The following RYR3 variants were observed in gnomAD, a reference collection of about 807,000 sequenced individuals.
The protein encoded by RYR3 is brain ryanodine receptor-calcium release channel.
RYR3 carries 207 observed loss-of-function variants against 584.3 expected under a neutral mutation model. That is an observed-to-expected ratio of 0.35 (90% CI 0.32 to 0.40). RYR3 has a LOEUF of 0.40. Ranked by LOEUF, RYR3 falls within the 10% of genes least tolerant of loss-of-function variation. The pLI is 1.00. For missense variants in RYR3, 5,616 were observed against 6,089.2 expected, an observed-to-expected ratio of 0.92 and a Z score of 2.59; for synonymous variants, 2,416 against 2,248.5, an observed-to-expected ratio of 1.07 and a Z score of -2.11.
intron 2 of RYR3, among the ~76,000 whole-genome samples, chr15:33,476,520 A>G (rs957556971): frequency 6.6e-6 from 1 of 152,196 alleles, no homozygotes; most frequent in Admixed American, 6.5e-5. Context: ...AGTTGTACTC[A>G]TACTGGTTAT....
chr15:33,738,250 G>C (rs998547069), intron 49 of RYR3, among the ~76,000 whole-genome samples, 200 bp from the exon 50 acceptor site: 1 of 152,166 alleles, frequency 6.6e-6, no homozygotes, highest in African/African-American at 2.4e-5. Context: ...GATCCGCTCA[G>C]GCTCAAGCTG....
intron 19 of RYR3, among the ~76,000 whole-genome samples, chr15:33,616,210 C>T (rs1026327366): frequency 2.0e-5 from 3 of 152,202 alleles, no homozygotes; most frequent in African/African-American, 7.2e-5. Context: ...GAGAAGGGAT[C>T]TTCTCCAGTC....
intron 62 of RYR3, among the ~76,000 whole-genome samples, chr15:33,771,181 T>C (rs935578173): frequency 6.6e-6 from 1 of 152,244 alleles, no homozygotes; most frequent in African/African-American, 2.4e-5. Context: ...ATTTCCTTGC[T>C]CTTTTCCTCT....
At chr15:33,859,066 A>T (rs2080051783) in intron 99 of RYR3, 3 of 154,226 alleles carry the variant, frequency 1.9e-5, no homozygotes, top group Non-Finnish European at 4.3e-5. Context: ...TGCCCTGCTC[A>T]GGGAGCCCGT....
Position 33,634,669 on chromosome 15 carries a change from G to A in RYR3, c.3111G>A (p.Leu1037=). Residue 1037 remains leucine (L), a synonymous_variant, in exon 25 of 104, where the codon CTG becomes CTA. Transcript: ENST00000634891. The part of the protein sequence containing the change: ...ERTKKSNRDS[L]REAVRTFVGY... ...CCAAGAAGTCAAACAGGGACAGCCTGCGGGAAGCTGTGCGCACTTTTGTTG... is the reference window on the plus strand; with the variant it reads ...CCAAGAAGTCAAACAGGGACAGCCTACGGGAAGCTGTGCGCACTTTTGTTG... The A allele has an allele frequency of 6.2e-7, 1 of 1,613,972 alleles. No individual in the cohort carries two copies. Among genetic ancestry groups the A allele is most frequent in the Non-Finnish European group, 8.5e-7 (1 of 1,179,850 alleles).
intron 1 of RYR3, among the ~76,000 whole-genome samples, chr15:33,420,631 A>G (rs2141602647): frequency 6.6e-6 from 1 of 152,242 alleles, no homozygotes; most frequent in Non-Finnish European, 1.5e-5. Flanking sequence ...GAGCACTAGA[A>G]TCAGATCTCT....
intron 1 of RYR3, among the ~76,000 whole-genome samples, chr15:33,404,877 G>T (rs2042921227): frequency 6.6e-6 from 1 of 151,834 alleles, no homozygotes; most frequent in African/African-American, 2.4e-5. Context: ...AGTATTTTAG[G>T]GGCTGTCTGC....
In RYR3 at chr15:33,635,646, A is replaced by G; in HGVS notation, c.3208A>G (p.Lys1070Glu). The change falls in exon 26 of 104, where the codon AAG becomes GAG. Residue 1070 changes from lysine (K) to glutamate (E), a missense_variant. Transcript: ENST00000634891. ...DSAVEKVSID[K>E]IRFFRVERSY... Reference sequence around the variant, plus strand: ...GGCTGTGGAGAAGGTCAGCATAGACAAGATCCGATTTTTCCGGGTAGAGCG... The same window carrying G: ...GGCTGTGGAGAAGGTCAGCATAGACGAGATCCGATTTTTCCGGGTAGAGCG... 1 of 1,613,984 alleles carries G rather than the reference A, an allele frequency of 6.2e-7. No individual in the cohort carries two copies.
intron 3 of RYR3, among the ~76,000 whole-genome samples, chr15:33,506,252 T>G (rs1210072439): frequency 1.3e-5 from 2 of 152,208 alleles, no homozygotes; most frequent in African/African-American, 4.8e-5. Flanking sequence ...CTACCTTAAT[T>G]ACCAAGCATG....
chr15:33,628,027 A>G (rs1004462868), intron 20 of RYR3, among the ~76,000 whole-genome samples: 1 of 152,202 alleles, frequency 6.6e-6, no homozygotes, highest in Non-Finnish European at 1.5e-5. Context: ...AAAGATTTTG[A>G]AGGAAAAATA....
intron 65 of RYR3, among the ~76,000 whole-genome samples, chr15:33,781,671 A>C (rs2074386398): frequency 2.0e-5 from 3 of 152,192 alleles, no homozygotes; most frequent in Admixed American, 2.0e-4. Flanking sequence ...AGATAAGGCC[A>C]CTAATAAAAA....
intron 1 of RYR3, among the ~76,000 whole-genome samples, chr15:33,431,406 A>T (rs553118180): frequency 1.3e-5 from 2 of 152,320 alleles, no homozygotes; most frequent in Admixed American, 6.5e-5. Context: ...CATACATATA[A>T]GTGTGTGTAT....
intron 2 of RYR3, among the ~76,000 whole-genome samples, chr15:33,496,268 G>A (rs1204986296): frequency 6.6e-6 from 1 of 152,160 alleles, no homozygotes; most frequent in Non-Finnish European, 1.5e-5. Flanking sequence ...ACTGGGGACC[G>A]AGTTCATCTC....
At chr15:33,679,776 G>T (rs1166995948) in intron 38 of RYR3, among the ~76,000 whole-genome samples, 2 of 152,156 alleles carry the variant, frequency 1.3e-5, no homozygotes. Context: ...TTTTATTGGT[G>T]AAGAAATCAA....
chr15:33,715,094 G>A (rs1322512884), intron 43 of RYR3, among the ~76,000 whole-genome samples: 1 of 152,198 alleles, frequency 6.6e-6, no homozygotes, highest in Non-Finnish European at 1.5e-5. Flanking sequence ...TAAAGGGAGA[G>A]CATATGGATA....
At chr15:33,414,566 G>T (rs2043643604) in intron 1 of RYR3, among the ~76,000 whole-genome samples, 1 of 152,192 alleles carries the variant, frequency 6.6e-6, no homozygotes, top group African/African-American at 2.4e-5. Flanking sequence ...AGCAGTGACA[G>T]GATGTGTCAT....
intron 38 of RYR3, among the ~76,000 whole-genome samples, chr15:33,688,781 T>A (rs1227788536): frequency 6.6e-6 from 1 of 152,114 alleles, no homozygotes; most frequent in African/African-American, 2.4e-5. Flanking sequence ...TTGGTGGAAG[T>A]GTAAAGTAGT....
At chr15:33,656,932 T>G (rs1440290058) in intron 32 of RYR3, among the ~76,000 whole-genome samples, 1 of 152,196 alleles carries the variant, frequency 6.6e-6, no homozygotes, top group Non-Finnish European at 1.5e-5. Flanking sequence ...CTCCCTATCT[T>G]GAGGCCAAAT....
At chr15:33,795,866 C>G (rs2075585821) in intron 67 of RYR3, among the ~76,000 whole-genome samples, 1 of 152,078 alleles carries the variant, frequency 6.6e-6, no homozygotes, top group African/African-American at 2.4e-5. Flanking sequence ...CAATCGGCTT[C>G]TTAGCCTCCT....
Sources: allele counts gnomAD v4.1 joint callset (sites outside exome capture counted in the v4.1 genomes callset), GRCh38; gene constraint gnomAD v4.1.1; transcripts MANE v1.5; gene names NCBI Gene and HGNC (gene_info 2026-07-23, HGNC 2026-07-21).